Variants in LRRC66 observed in about 807,000 individuals in gnomAD.
The protein encoded by LRRC66 is leucine rich repeat containing 66.
A neutral mutation model predicts 24.6 loss-of-function variants in LRRC66; 29 were observed. The observed-to-expected ratio is 1.18, with a 90% CI of 0.88 to 1.61. The LOEUF (loss-of-function observed/expected upper bound fraction) is 1.61. LRRC66 is among the 40% of genes most tolerant of loss of function. The pLI is 0.00. For missense variants in LRRC66, 1,124 were observed against 1,058.0 expected (o/e 1.06, Z -0.87); for synonymous variants, 411 against 397.6 (o/e 1.03, Z -0.40).
chr4:52,013,130 T>C (rs1480145110), intron 2 of LRRC66, among the ~76,000 whole-genome samples: 1 of 152,232 alleles, frequency 6.6e-6, no homozygotes, highest in Non-Finnish European at 1.5e-5. Flanking sequence ...TCTTATATAC[T>C]TTTTGTTTCT....
chr4:51,998,917 C>T (rs1310160179), intron 3 of LRRC66, among the ~76,000 whole-genome samples: 1 of 152,212 alleles, frequency 6.6e-6, no homozygotes, highest in Admixed American at 6.5e-5. Flanking sequence ...GTATATCCCA[C>T]ATAGACCCTA....
At position 51,997,940 on chromosome 4, in the gene LRRC66, G is replaced by A. The variant is rs566048440; in HGVS notation, c.667-3C>T. ...GCATTGTTGCTAAGGTCTATGACCT[G>A]TTTGAGAAGAAACAAGTTTAGGATG... On this transcript the variant is annotated splice_polypyrimidine_tract_variant and splice_region_variant and intron_variant, in intron 3 of 4. Transcript: ENST00000682860. 3.1e-6 allele frequency: 5 copies of A among 1,608,780 alleles called. No homozygotes were observed. Among genetic ancestry groups the A allele is most frequent in the African/African-American group, 2.7e-5 (2 of 74,872 alleles).
At position 52,000,705 on chromosome 4, in the gene LRRC66, G is replaced by A. The variant is rs549791648; in HGVS notation, c.666+2518C>T. The stretch of plus-strand genomic sequence containing the variant: ...TTTGGCCAATAACCAGCAAGAAACT[G>A]AGCCCTTACTCCAGCAGCCCACAAG... On this transcript the variant is annotated intron_variant, in intron 3 of 4. Transcript: ENST00000682860. Among the ~76,000 whole-genome samples, 481 of 152,310 alleles carry A rather than the reference G, an allele frequency of 3.2e-3. 2 individuals are homozygous for A. The highest frequency in any genetic ancestry group is 6.1e-3 in the Non-Finnish European group (417 of 68,026).
intron 2 of LRRC66, among the ~76,000 whole-genome samples, chr4:52,007,911 T>C (rs1294706879): frequency 1.3e-5 from 2 of 152,120 alleles, no homozygotes; most frequent in East Asian, 1.9e-4. Context: ...TTCAAGATAA[T>C]AGGGACGAGC....
chr4:52,017,414 A>G lies in LRRC66; in HGVS notation c.200T>C (p.Val67Ala). The change falls in exon 2 of 5, where the codon GTA becomes GCA. Residue 67 changes from valine (V) to alanine (A), a missense_variant. Val to Ala is a moderately conservative substitution (Grantham distance 64). Coordinates refer to ENST00000682860, the MANE Select transcript of LRRC66 (RefSeq NM_001024611.3). ...GAGAACTCTAAAGAAATTGAAACTTACATCCACAGTGGCTGCTGTCTGTGA... is the reference window on the plus strand; with the variant it reads ...GAGAACTCTAAAGAAATTGAAACTTGCATCCACAGTGGCTGCTGTCTGTGA... ...DISQTAATVD[V>A]SFNFFRVLLQ... is the part of the protein sequence containing the mutation. The G allele has an allele frequency of 6.2e-7, 1 of 1,614,166 alleles. No individual in the cohort carries two copies. Among genetic ancestry groups the G allele is most frequent in the Non-Finnish European group, 8.5e-7 (1 of 1,180,012 alleles).
At chr4:52,003,068 C>T (rs554370139) in intron 3 of LRRC66, among the ~76,000 whole-genome samples, 155 bp downstream of exon 3, 1 of 152,290 alleles carries the variant, frequency 6.6e-6, no homozygotes, top group Non-Finnish European at 1.5e-5. Context: ...AAGAAAGAGA[C>T]TTCAGCTCTT....
At chr4:52,001,798 G>T (rs1239090214) in intron 3 of LRRC66, among the ~76,000 whole-genome samples, 1 of 152,166 alleles carries the variant, frequency 6.6e-6, no homozygotes, top group South Asian at 2.1e-4. Flanking sequence ...ATTCTGGTTG[G>T]AAGTGGGGAG....
chr4:52,002,874 C>G (rs1197157202), intron 3 of LRRC66, among the ~76,000 whole-genome samples: 2 of 152,314 alleles, frequency 1.3e-5, no homozygotes, highest in Non-Finnish European at 1.5e-5. Context: ...GGACCTTTGA[C>G]CAATCTTGTA....
chr4:52,017,239 T>A lies in LRRC66; in HGVS notation c.375A>T (p.Ser125=). 6.2e-7 allele frequency: 1 copy of A among 1,614,122 alleles called. No homozygotes were observed. Among genetic ancestry groups the A allele is most frequent in the East Asian group, 2.2e-5 (1 of 44,872 alleles). ...NLSNNAIHSL[S]LDLLSPKSSW... is the part of the protein sequence containing the mutation. Reference sequence around the variant, plus strand: ...AGGACTTAGGACTGAGTAGATCCAATGAGAGGGAGTGGATGGCATTGTTGC... The same window carrying A: ...AGGACTTAGGACTGAGTAGATCCAAAGAGAGGGAGTGGATGGCATTGTTGC... The change falls in exon 2 of 5, where the codon TCA becomes TCT. Residue 125 remains serine (S), a synonymous_variant. Coordinates refer to ENST00000682860, the MANE Select transcript of LRRC66 (RefSeq NM_001024611.3).
chr4:51,999,198 C>T (rs1481138347), intron 3 of LRRC66, among the ~76,000 whole-genome samples: 1 of 152,080 alleles, frequency 6.6e-6, no homozygotes, highest in Non-Finnish European at 1.5e-5. Context: ...AAATACAGTC[C>T]TTGCTTTCAA....
At chr4:52,005,032 T>C (rs1203092243) in intron 2 of LRRC66, among the ~76,000 whole-genome samples, 1 of 152,218 alleles carries the variant, frequency 6.6e-6, no homozygotes, top group African/African-American at 2.4e-5. Context: ...TGTTTGCATG[T>C]CTATCAGATG....
At chr4:52,004,628 C>G (rs373000000) in intron 2 of LRRC66, among the ~76,000 whole-genome samples, 1 of 152,200 alleles carries the variant, frequency 6.6e-6, no homozygotes, top group Admixed American at 6.5e-5. Context: ...CTGCACTGTT[C>G]TTGCATGTAG....
At chr4:51,996,266 G>T in intron 4 of LRRC66, 101 bp from the exon 5 acceptor site, 3 of 1,169,332 alleles carry the variant, frequency 2.6e-6, no homozygotes, top group Non-Finnish European at 3.5e-6. Context: ...CAATTTTTTT[G>T]AATTTTGAAT....
Position 51,994,166 on chromosome 4 carries a change from C to A in LRRC66, c.*213G>T. The A allele has an allele frequency of 1.9e-6, 1 of 533,580 alleles. No individual in the cohort carries two copies. The highest frequency in any genetic ancestry group is 3.3e-6 in the Non-Finnish European group (1 of 307,602). 33.1% of individuals were successfully genotyped at this position (533,580 alleles called of 1,614,324 possible). A position where few individuals can be genotyped will look rare whatever the true frequency, so the allele number is the denominator to read the frequency against. ...TCACACTGAAGAGCAGGTTCATCCCCATAGGATGTTAACAAGTGTGTTTAG... is the reference window on the plus strand; with the variant it reads ...TCACACTGAAGAGCAGGTTCATCCCAATAGGATGTTAACAAGTGTGTTTAG... On this transcript the variant is annotated 3_prime_UTR_variant, in exon 5 of 5. Coordinates refer to ENST00000682860, the MANE Select transcript of LRRC66 (RefSeq NM_001024611.3).
chr4:52,017,389 G>A lies in LRRC66; in HGVS notation c.225C>T (p.Leu75=). The A allele has an allele frequency of 6.2e-7, 1 of 1,614,120 alleles. No homozygotes were observed. The highest frequency in any genetic ancestry group is 1.1e-5 in the South Asian group (1 of 91,084). Residue 75 remains leucine (L), a synonymous_variant, in exon 2 of 5, where the codon CTC becomes CTT. Transcript: ENST00000682860. ...VDVSFNFFRV[L]LQSHTKKEEW... ...CTTCTTTTTTCGTGTGAGACTGTAA[G>A]AGAACTCTAAAGAAATTGAAACTTA...
intron 3 of LRRC66, among the ~76,000 whole-genome samples, chr4:52,002,152 A>G (rs916853251): frequency 1.3e-5 from 2 of 152,252 alleles, no homozygotes; most frequent in Admixed American, 6.5e-5. Context: ...AAGGGGATAT[A>G]AAATATCTCA....
intron 1 of LRRC66, among the ~76,000 whole-genome samples, chr4:52,020,023 G>A (rs1472609684): frequency 6.6e-6 from 1 of 151,966 alleles, no homozygotes; most frequent in Admixed American, 6.6e-5. Context: ...AGAAAAAGTT[G>A]CTTAGAAAAC....
intron 1 of LRRC66, chr4:52,018,564 T>A: frequency 2.0e-6 from 2 of 985,454 alleles, no homozygotes; most frequent in Non-Finnish European, 2.4e-6. Context: ...TAACTGACTT[T>A]CTTGCCTCTG....
At position 51,995,351 on chromosome 4, in the gene LRRC66, A is replaced by C. The variant is rs1374163385; in HGVS notation, c.1671T>G (p.Ser557=). 6.2e-7 allele frequency: 1 copy of C among 1,614,214 alleles called. No homozygotes were observed. The highest frequency in any genetic ancestry group is 8.5e-7 in the Non-Finnish European group (1 of 1,180,026). Residue 557 remains serine, a synonymous_variant, in exon 5 of 5, where the codon TCT becomes TCG. Coordinates refer to ENST00000682860, the MANE Select transcript of LRRC66 (RefSeq NM_001024611.3). ...AGACAGCGTGAGACGTGCCAGCTAC[A>C]GAAGAGACGCCCACTGAATGTGCAC... is the stretch of plus-strand genomic sequence containing the variant. The part of the protein sequence containing the change: ...PLSAHSVGVS[S]VAGTSHAVSG...
Sources: gnomAD v4.1 joint callset for allele counts (sites outside exome capture counted in the v4.1 genomes callset) on GRCh38, gnomAD v4.1.1 for gene constraint, MANE v1.5 for transcripts, NCBI Gene and HGNC (gene_info 2026-07-23, HGNC 2026-07-21) for gene names.